Variants in SINHCAF observed in about 807,000 individuals in gnomAD.
SINHCAF encodes SIN3-HDAC complex associated factor.
SINHCAF carries 3 observed loss-of-function variants against 25.8 expected under a neutral mutation model. That is an observed-to-expected ratio of 0.12 (90% confidence interval 0.05 to 0.30). The LOEUF is 0.30. Ranked by LOEUF, SINHCAF falls within the 10% of genes least tolerant of loss-of-function variation. The pLI is 1.00. For missense variants in SINHCAF, 121 were observed against 262.3 expected (o/e 0.46, Z 3.72); for synonymous variants, 70 against 85.5 (o/e 0.82, Z 1.00).
chr12:31,282,897 T>A (rs754908095), intron 5 of SINHCAF, 26 bp from the exon 6 acceptor site: 1 of 1,543,006 alleles, frequency 6.5e-7, no homozygotes, highest in Non-Finnish European at 8.8e-7. Context: ...GAGAACAAGA[T>A]ACATTAATAA....
intron 1 of SINHCAF, among the ~76,000 whole-genome samples, chr12:31,307,217 A>C (rs1459923554): frequency 6.6e-6 from 1 of 152,186 alleles, no homozygotes; most frequent in African/African-American, 2.4e-5. Context: ...GTAACATCAC[A>C]GTCCAAGTAT....
rs1217282783 is a variant in SINHCAF, at chr12:31,281,271, T to A, written c.*1441A>T. 6.6e-6 allele frequency: 1 copy of A among 152,188 alleles called. No individual in the cohort carries two copies. The highest frequency in any genetic ancestry group is 1.9e-4 in the East Asian group (1 of 5,202). The allele number at this position is 152,188 out of a possible 1,614,324, so 9.4% of individuals were successfully genotyped here. A position where few individuals can be genotyped will look rare whatever the true frequency, so the allele number is the denominator to read the frequency against. On this transcript the variant is annotated 3_prime_UTR_variant, in exon 6 of 6. Coordinates refer to ENST00000337682, the MANE Select transcript of SINHCAF (RefSeq NM_001135812.2). ...GAGGCTTTTCATGAAAATCTTAGGA[T>A]TGAAGAGCTCTAAGTTCAGGATATC...
At chr12:31,311,669 TAAC>T (rs1332718116) in intron 1 of SINHCAF, 1 of 446,988 alleles carries the variant, frequency 2.2e-6, no homozygotes. Context: ...ACTGAGCTTA[TAAC>T]AATATTTTTG....
At chr12:31,295,160 C>A in intron 3 of SINHCAF, 74 bp downstream of exon 3, 1 of 911,370 alleles carries the variant, frequency 1.1e-6, no homozygotes, top group Non-Finnish European at 1.7e-6. Context: ...ATATTACTTC[C>A]TAAATTAGGG....
chr12:31,312,011 C>T, intron 1 of SINHCAF: 1 of 695,164 alleles, frequency 1.4e-6, no homozygotes, highest in Non-Finnish European at 2.5e-6. Context: ...ACAAAGCTGG[C>T]AAAGGAGAAG....
rs548324395 is a variant in SINHCAF, at chr12:31,314,155, A to G, written c.-21+11869T>C. On this transcript the variant is annotated intron_variant, in intron 1 of 5. Transcript: ENST00000337682. ...CCTTTGGAGCCGTGTTTCCTGTCAC[A>G]GTCTAACAAGTGGCAGACAAGGAGA... is the stretch of plus-strand genomic sequence containing the variant. 4.4e-4 allele frequency among the ~76,000 whole-genome samples: 67 copies of G among 152,156 alleles called. No individual in the cohort carries two copies. In the South Asian group the frequency reaches 5.0e-3, roughly 11 times the overall value.
intron 1 of SINHCAF, among the ~76,000 whole-genome samples, chr12:31,305,305 A>G (rs1415847735): frequency 6.6e-6 from 1 of 152,198 alleles, no homozygotes; most frequent in Non-Finnish European, 1.5e-5. Context: ...TTCATCTCCC[A>G]GGAGCGCACT....
intron 1 of SINHCAF, among the ~76,000 whole-genome samples, chr12:31,302,609 G>C (rs1938847628): frequency 1.3e-5 from 2 of 151,354 alleles, no homozygotes; most frequent in South Asian, 4.2e-4. Context: ...TTTCAAAGCA[G>C]ATTACACGAG....
intron 1 of SINHCAF, chr12:31,311,966 A>G: frequency 1.5e-6 from 1 of 681,548 alleles, no homozygotes; most frequent in Non-Finnish European, 2.6e-6. Flanking sequence ...TGCCCCTGAT[A>G]CTTTGTTTAT....
At chr12:31,294,941 T>C (rs921690423) in intron 3 of SINHCAF, among the ~76,000 whole-genome samples, 4 of 152,196 alleles carry the variant, frequency 2.6e-5, no homozygotes, top group Non-Finnish European at 5.9e-5. Flanking sequence ...AAAGAATTCA[T>C]GTCTAATTAA....
At chr12:31,291,647 C>A (rs1265279702) in intron 4 of SINHCAF, among the ~76,000 whole-genome samples, 2 of 152,068 alleles carry the variant, frequency 1.3e-5, no homozygotes, top group African/African-American at 4.8e-5. Context: ...ACCTGTAATC[C>A]CAGCTACTCG....
At chr12:31,286,540 T>C (rs930525525) in intron 5 of SINHCAF, among the ~76,000 whole-genome samples, 1 of 151,918 alleles carries the variant, frequency 6.6e-6, no homozygotes, top group Non-Finnish European at 1.5e-5. Context: ...GCCATGCACC[T>C]GTAATCCCAG....
chr12:31,289,231 G>C (rs1044479980), intron 4 of SINHCAF, among the ~76,000 whole-genome samples: 3 of 152,118 alleles, frequency 2.0e-5, no homozygotes, highest in African/African-American at 4.8e-5. Context: ...AAAGAGAATA[G>C]AGGTGAAAAA....
At chr12:31,294,770 G>A (rs1430195844) in intron 3 of SINHCAF, among the ~76,000 whole-genome samples, 1 of 152,162 alleles carries the variant, frequency 6.6e-6, no homozygotes, top group Non-Finnish European at 1.5e-5. Flanking sequence ...CAATAGCTCT[G>A]TAAGAGAGCT....
rs199898780 is a variant in SINHCAF at position 31,287,584 on chromosome 12, C to T, written c.506+50G>A. On this transcript the variant is annotated intron_variant, in intron 5 of 5. Coordinates refer to ENST00000337682, the MANE Select transcript of SINHCAF (RefSeq NM_001135812.2). ...TTGCTAAGGAAGTAGAAAAATACTG[C>T]CCATAATTAAGATGGTTTGCTGGTT... 5,181 of 1,410,882 alleles carry T rather than the reference C, an allele frequency of 3.7e-3. 16 individuals are homozygous for T. The highest frequency in any genetic ancestry group is 4.5e-3 in the Non-Finnish European group (4,740 of 1,042,390). The allele number at this position is 1,410,882 out of a possible 1,614,324, so 87.4% of individuals were successfully genotyped here.
chr12:31,316,891 A>C (rs1228833808), intron 1 of SINHCAF, among the ~76,000 whole-genome samples: 1 of 152,210 alleles, frequency 6.6e-6, no homozygotes, highest in East Asian at 1.9e-4. Flanking sequence ...TTAAATCTTT[A>C]TAAGGGTGTT....
chr12:31,299,255 A>G (rs1477511494), intron 1 of SINHCAF, among the ~76,000 whole-genome samples: 1 of 152,218 alleles, frequency 6.6e-6, no homozygotes, highest in Non-Finnish European at 1.5e-5. Context: ...GGATGTGTGT[A>G]TGTATGAGGG....
chr12:31,305,976 G>A (rs1457402948), intron 1 of SINHCAF, among the ~76,000 whole-genome samples: 11 of 152,176 alleles, frequency 7.2e-5, no homozygotes, highest in Non-Finnish European at 2.9e-5. Context: ...TGGGATTACA[G>A]GCATGAGCCA....
At chr12:31,290,161 T>C (rs1332647790) in intron 4 of SINHCAF, among the ~76,000 whole-genome samples, 1 of 151,822 alleles carries the variant, frequency 6.6e-6, no homozygotes, top group Admixed American at 6.6e-5. Flanking sequence ...TGTTTGTTTG[T>C]TTGTTTAAAA....
Sources: allele counts gnomAD v4.1 joint callset (sites outside exome capture counted in the v4.1 genomes callset), GRCh38; gene constraint gnomAD v4.1.1; transcripts MANE v1.5; gene names NCBI Gene and HGNC (gene_info 2026-07-23, HGNC 2026-07-21).